The following NSFL1C variants were observed in gnomAD, a reference collection of about 807,000 sequenced individuals.
NSFL1C encodes the protein NSFL1 cofactor.
In NSFL1C, 14 loss-of-function variants were observed where a neutral mutation model predicts 43.1. That is an observed-to-expected ratio of 0.32 (90% CI 0.21 to 0.51). The LOEUF is 0.51. Ranked by LOEUF, NSFL1C falls within the 20% of genes least tolerant of loss-of-function variation. The pLI, the probability that NSFL1C is intolerant of heterozygous loss-of-function variation, is 0.98. For missense variants in NSFL1C, 406 were observed against 472.5 expected (o/e 0.86, Z 1.30); for synonymous variants, 171 against 183.5 (o/e 0.93, Z 0.55).
chr20:1,455,662 C>T, intron 3 of NSFL1C: 1 of 779,704 alleles, frequency 1.3e-6, no homozygotes, highest in South Asian at 1.3e-5. Context: ...TACTCTGTGA[C>T]TCACTTTCCT....
chr20:1,455,252 C>T (rs2090273596), intron 3 of NSFL1C, 120 bp from the exon 4 acceptor site: 2 of 1,167,160 alleles, frequency 1.7e-6, no homozygotes, highest in South Asian at 2.5e-5. Flanking sequence ...AAAGAATTTA[C>T]TGGCTAGTTG....
chr20:1,454,115 C>A (rs2090245028), intron 5 of NSFL1C, 98 bp downstream of exon 5: 8 of 916,248 alleles, frequency 8.7e-6, no homozygotes, highest in Non-Finnish European at 1.4e-5. Flanking sequence ...GTTTCCCTTT[C>A]AGAGGCTGCT....
intron 3 of NSFL1C, chr20:1,455,681 A>T (rs1185902105): frequency 2.6e-6 from 2 of 779,596 alleles, no homozygotes; most frequent in African/African-American, 1.7e-5. Flanking sequence ...CTTGTCTTTG[A>T]AACGGGAGGG....
chr20:1,444,175 C>G (rs2090008850), intron 8 of NSFL1C, among the ~76,000 whole-genome samples: 1 of 152,348 alleles, frequency 6.6e-6, no homozygotes, highest in East Asian at 1.9e-4. Context: ...TCGTTCTCTT[C>G]TGCCCGCTTC....
intron 3 of NSFL1C, 24 bp from the exon 4 acceptor site, chr20:1,455,156 C>T (rs538605672): frequency 2.5e-6 from 4 of 1,613,912 alleles, no homozygotes; most frequent in Admixed American, 1.7e-5. Context: ...ACACCTCTAA[C>T]ATGAAACACT....
chr20:1,456,101 TA>T (rs1190667990), intron 3 of NSFL1C: 5 of 215,634 alleles, frequency 2.3e-5, no homozygotes, highest in Non-Finnish European at 3.8e-5. Context: ...TGAGAACCTA[TA>T]AAAATTAGTC....
rs2090390889 is a variant in NSFL1C, at chr20:1,460,646, T to TGTGATG, written c.204-2373_204-2372insCATCAC. On this transcript the variant is annotated intron_variant, in intron 2 of 8. Transcript: ENST00000216879. ...CTGCTTTTAATCCGGTTACCCTAGCTCTGCCTCTCTGTGATGATGGAAATG... is the reference window on the plus strand; with the variant it reads ...CTGCTTTTAATCCGGTTACCCTAGCTGTGATGCTGCCTCTCTGTGATGATGGAAATG... Among the ~76,000 whole-genome samples the TGTGATG allele has an allele frequency of 2.6e-5, 4 of 152,348 alleles. No individual in the cohort carries two copies. The South Asian group carries it at 6.2e-4, about 24-fold the overall frequency.
intron 7 of NSFL1C, among the ~76,000 whole-genome samples, chr20:1,448,297 G>A (rs1279817219): frequency 6.6e-6 from 1 of 152,236 alleles, no homozygotes; most frequent in Non-Finnish European, 1.5e-5. Flanking sequence ...TTTGGCCTCT[G>A]CTCTGCCTCT....
In NSFL1C at chr20:1,461,517, A is replaced by C. The variant is rs112393153; in HGVS notation, c.203+2812T>G. Among the ~76,000 whole-genome samples the C allele has an allele frequency of 9.2e-5, 14 of 152,338 alleles. No individual in the cohort carries two copies. The South Asian group carries it at 2.9e-3, about 32-fold the overall frequency. On this transcript the variant is annotated intron_variant, in intron 2 of 8. Transcript: ENST00000216879. ...ATAAGGAAGAATTAGAGCACCAAAG[A>C]AATCAGTTTGGTTGGAACAAAGGAT...
chr20:1,448,703 C>G (rs2090122458), intron 7 of NSFL1C, among the ~76,000 whole-genome samples: 1 of 152,212 alleles, frequency 6.6e-6, no homozygotes, highest in African/African-American at 2.4e-5. Flanking sequence ...ACTTACTTAA[C>G]CCACAGGCTT....
chr20:1,442,865 G>GTGGCATTT lies in NSFL1C; in HGVS notation c.*876_*883dup, dbSNP rs2089978355. ...CCACACATCACTAGTGAACAGCTCG[G>GTGGCATTT]TGGCATTTTGACTGTTTATCTTATA... On this transcript the variant is annotated 3_prime_UTR_variant, in exon 9 of 9. Transcript: ENST00000216879. 1 of 152,160 alleles carries GTGGCATTT rather than the reference G, an allele frequency of 6.6e-6. No individual in the cohort carries two copies. 9.4% of individuals were successfully genotyped at this position (152,160 alleles called of 1,614,324 possible).
intron 1 of NSFL1C, among the ~76,000 whole-genome samples, chr20:1,465,448 T>C (rs1301722913): frequency 6.6e-6 from 1 of 152,254 alleles, no homozygotes; most frequent in East Asian, 1.9e-4. Flanking sequence ...AGACAGAAGA[T>C]CTGTTGGTCA....
chr20:1,445,704 G>T lies in NSFL1C; in HGVS notation c.912C>A (p.Asp304Glu). 6.2e-7 allele frequency: 1 copy of T among 1,613,656 alleles called. No individual in the cohort carries two copies. The highest frequency in any genetic ancestry group is 8.5e-7 in the Non-Finnish European group (1 of 1,179,994). The change falls in exon 8 of 9, where the codon GAC becomes GAA. Residue 304 changes from aspartate (D) to glutamate (E), a missense_variant. Physicochemically the swap from Asp to Glu is conservative, Grantham distance 45. Transcript: ENST00000216879. ...PTTNIQIRLA[D>E]GGRLVQKFNH... is the part of the protein sequence containing the mutation. ...TAAATTTCTGCACCAGCCTCCCGCC[G>T]TCTGCAAGCCGAATTTGGATGTTTG...
chr20:1,452,895 C>A lies in NSFL1C; in HGVS notation c.647+136G>T, dbSNP rs2090214079. 4 of 723,294 alleles carry A rather than the reference C, an allele frequency of 5.5e-6. No individual in the cohort carries two copies. The South Asian group carries it at 6.5e-5, about 12-fold the overall frequency. 44.8% of individuals were successfully genotyped at this position (723,294 alleles called of 1,614,324 possible). ...GACATACAAGGTTTTTGGAGCAGATCTATGAATCCGTATCTCAACTATGCT... is the reference window on the plus strand; with the variant it reads ...GACATACAAGGTTTTTGGAGCAGATATATGAATCCGTATCTCAACTATGCT... On this transcript the variant is annotated intron_variant, in intron 6 of 8. Coordinates refer to ENST00000216879, the MANE Select transcript of NSFL1C (RefSeq NM_016143.5).
chr20:1,460,918 C>T (rs2090396598), intron 2 of NSFL1C, among the ~76,000 whole-genome samples: 1 of 152,200 alleles, frequency 6.6e-6, no homozygotes, highest in Non-Finnish European at 1.5e-5. Flanking sequence ...TTGCTTGACC[C>T]TGCATACAGG....
chr20:1,452,779 C>G, intron 6 of NSFL1C, 149 bp from the exon 7 acceptor site: 3 of 1,003,220 alleles, frequency 3.0e-6, no homozygotes. Context: ...ACCTGTCTGC[C>G]TCCACCTTTT....
At chr20:1,454,541 C>A (rs921842742) in intron 4 of NSFL1C, among the ~76,000 whole-genome samples, 1 of 152,192 alleles carries the variant, frequency 6.6e-6, no homozygotes. Flanking sequence ...AGGGGCAGTG[C>A]CTGGCTAAAG....
intron 7 of NSFL1C, among the ~76,000 whole-genome samples, chr20:1,451,891 T>C (rs1171077009): frequency 1.3e-5 from 2 of 152,136 alleles, no homozygotes; most frequent in African/African-American, 4.8e-5. Flanking sequence ...AGAGTGAGTG[T>C]CAGGAAGGGC....
Position 1,452,485 on chromosome 20 carries a change from C to A in NSFL1C, c.785+8G>T, listed in dbSNP as rs770850383. ...CAGAGTCTGGCTCTAACCTGTGCTGCCCCTTACCTGCCCAGTTTCTGACCC... is the reference window on the plus strand; with the variant it reads ...CAGAGTCTGGCTCTAACCTGTGCTGACCCTTACCTGCCCAGTTTCTGACCC... On this transcript the variant is annotated splice_region_variant and intron_variant, in intron 7 of 8. Transcript: ENST00000216879. The A allele has an allele frequency of 6.2e-7, 1 of 1,613,876 alleles. No homozygotes were observed. The highest frequency in any genetic ancestry group is 1.1e-5 in the South Asian group (1 of 91,056).
Sources: gnomAD v4.1 joint callset for allele counts (sites outside exome capture counted in the v4.1 genomes callset) on GRCh38, gnomAD v4.1.1 for gene constraint, MANE v1.5 for transcripts, NCBI Gene and HGNC (gene_info 2026-07-23, HGNC 2026-07-21) for gene names.